Variants in TASP1 observed in about 807,000 individuals in gnomAD.
The protein encoded by TASP1 is taspase 1, also known as threonine aspartase 1.
A neutral mutation model predicts 56.6 loss-of-function variants in TASP1; 16 were observed. The ratio of observed to expected loss-of-function variants is 0.28; its 90% confidence interval spans 0.19 to 0.43. The LOEUF is 0.43. Ranked by LOEUF, TASP1 falls within the 20% of genes least tolerant of loss-of-function variation. TASP1 has a pLI of 1.00. For missense variants in TASP1, 393 were observed against 511.6 expected (o/e 0.77, Z 2.24); for synonymous variants, 179 against 184.2 (o/e 0.97, Z 0.23).
chr20:13,417,874 G>A (rs1222777994), intron 12 of TASP1, among the ~76,000 whole-genome samples: 3 of 151,694 alleles, frequency 2.0e-5, no homozygotes, highest in African/African-American at 4.8e-5. Context: ...TTTAAAACAC[G>A]TGCATGCACA....
intron 10 of TASP1, among the ~76,000 whole-genome samples, chr20:13,510,297 A>G (rs1272289735): frequency 6.6e-6 from 1 of 152,212 alleles, no homozygotes; most frequent in Non-Finnish European, 1.5e-5. Context: ...TGCAAATGAT[A>G]CTTGAGAGGA....
intron 13 of TASP1, chr20:13,393,124 C>G: frequency 1.5e-6 from 1 of 646,000 alleles, no homozygotes; most frequent in African/African-American, 1.8e-5. Flanking sequence ...AGCAATGCCT[C>G]CTGTACCACC....
chr20:13,335,463 T>C, the TASP1 span, among the ~76,000 whole-genome samples: 10 of 152,030 alleles, frequency 6.6e-5, no homozygotes, highest in East Asian at 7.7e-4. Context: ...ATGATGAAGT[T>C]TGGAGAAAAG....
At chr20:13,221,611 C>T in the TASP1 span, among the ~76,000 whole-genome samples, 12 of 147,108 alleles carry the variant, frequency 8.2e-5, no homozygotes, top group African/African-American at 2.7e-4. Context: ...CCGCACACCC[C>T]GCCGCGCCCA....
the TASP1 span, among the ~76,000 whole-genome samples, chr20:13,173,141 C>T: frequency 6.6e-6 from 1 of 152,168 alleles, no homozygotes; most frequent in Non-Finnish European, 1.5e-5. Flanking sequence ...TTAACTCTGA[C>T]TCTTTAGACA....
At chr20:13,168,218 T>C in the TASP1 span, 2 of 151,534 alleles carry the variant, frequency 1.3e-5, no homozygotes, top group African/African-American at 4.9e-5. Context: ...TTTGTTCTTC[T>C]TGTTGCCCAG....
chr20:13,606,821 A>T (rs191796946), intron 4 of TASP1, among the ~76,000 whole-genome samples: 4 of 152,172 alleles, frequency 2.6e-5, no homozygotes, highest in Admixed American at 1.3e-4. Flanking sequence ...AAAAAAAAAA[A>T]AAAAGAATTT....
At chr20:13,185,773 A>C in the TASP1 span, among the ~76,000 whole-genome samples, 2 of 152,164 alleles carry the variant, frequency 1.3e-5, no homozygotes, top group African/African-American at 4.8e-5. Context: ...AGTAACTATA[A>C]ACATACTCAT....
chr20:13,127,043 G>C, the TASP1 span, among the ~76,000 whole-genome samples: 43 of 152,318 alleles, frequency 2.8e-4, 1 homozygote, highest in Non-Finnish European at 1.0e-4. Flanking sequence ...CTTGCTTGGG[G>C]CTGTCACTTG....
chr20:13,273,215 TTTTTATTTTA>T, the TASP1 span, among the ~76,000 whole-genome samples: 63 of 130,704 alleles, frequency 4.8e-4, no homozygotes, highest in Middle Eastern at 3.6e-3. Flanking sequence ...ACTTGGGTCT[TTTTTATTTTA>T]TTTTATTTTA....
the TASP1 span, among the ~76,000 whole-genome samples, chr20:13,121,824 A>T: frequency 6.6e-6 from 1 of 152,210 alleles, no homozygotes; most frequent in Non-Finnish European, 1.5e-5. Context: ...GTCCAAAAAA[A>T]ATAAAATTTT....
At chr20:13,215,668 C>T in the TASP1 span, among the ~76,000 whole-genome samples, 1 of 152,240 alleles carries the variant, frequency 6.6e-6, no homozygotes, top group African/African-American at 2.4e-5. Flanking sequence ...AAGAATAGCA[C>T]TCCCTCTGGA....
At chr20:13,589,869 T>C (rs2047456999) in intron 4 of TASP1, among the ~76,000 whole-genome samples, 3 of 152,174 alleles carry the variant, frequency 2.0e-5, no homozygotes, top group Non-Finnish European at 4.4e-5. Context: ...CATGCCATTG[T>C]ACTCTAGCCT....
chr20:13,480,792 T>C lies in TASP1; in HGVS notation c.985+2435A>G, dbSNP rs1375751446. ...CATCCATCACAGGGTTCCTAGAAAG[T>C]GAATGTTTTTATTTTTTAACTTTTA... is the stretch of plus-strand genomic sequence containing the variant. On this transcript the variant is annotated intron_variant, in intron 11 of 13. Transcript: ENST00000337743. Among the ~76,000 whole-genome samples, 3 of 152,076 alleles carry C rather than the reference T, an allele frequency of 2.0e-5. No individual in the cohort carries two copies. The East Asian group carries it at 5.8e-4, about 29-fold the overall frequency.
chr20:13,595,761 C>A (rs868308051), intron 4 of TASP1, among the ~76,000 whole-genome samples: 5 of 152,058 alleles, frequency 3.3e-5, no homozygotes, highest in African/African-American at 1.2e-4. Context: ...ATTTAGACTC[C>A]CACACAATAA....
chr20:13,195,617 C>A, the TASP1 span, among the ~76,000 whole-genome samples: 1 of 152,134 alleles, frequency 6.6e-6, no homozygotes, highest in Admixed American at 6.5e-5. Context: ...TGGCTTCCTT[C>A]CCTCCCAGTC....
the TASP1 span, among the ~76,000 whole-genome samples, chr20:13,280,691 G>T: frequency 1.3e-5 from 2 of 152,126 alleles, no homozygotes; most frequent in African/African-American, 2.4e-5. Flanking sequence ...CACTCGTAAG[G>T]CCCTCAGCCT....
At chr20:13,281,129 C>T in the TASP1 span, among the ~76,000 whole-genome samples, 2 of 152,182 alleles carry the variant, frequency 1.3e-5, no homozygotes, top group African/African-American at 2.4e-5. Context: ...ATCAGTTGTT[C>T]AACCAACATT....
intron 11 of TASP1, among the ~76,000 whole-genome samples, chr20:13,455,448 G>C (rs543286459): frequency 3.7e-4 from 56 of 152,180 alleles, no homozygotes; most frequent in Non-Finnish European, 3.8e-4. Context: ...AGTTTGAAAA[G>C]AGCCCCTCTC....
Sources: allele counts gnomAD v4.1 joint callset (sites outside exome capture counted in the v4.1 genomes callset), GRCh38; gene constraint gnomAD v4.1.1; transcripts MANE v1.5; gene names NCBI Gene and HGNC (gene_info 2026-07-23, HGNC 2026-07-21).